Variants in NTM observed in about 807,000 individuals in gnomAD.
NTM encodes the protein neurotrimin, also known as IgLON family member 2.
In NTM, 13 loss-of-function variants were observed where a neutral mutation model predicts 42.1. That is an observed-to-expected ratio of 0.31 (90% CI 0.20 to 0.49). The LOEUF (loss-of-function observed/expected upper bound fraction) is 0.49, where lower values mean the gene tolerates loss of function less well. Ranked by LOEUF, NTM falls within the 20% of genes least tolerant of loss-of-function variation. NTM has a pLI of 0.99. For synonymous variants in NTM, 187 were observed against 179.2 expected, an observed-to-expected ratio of 1.04 and a Z score of -0.35; for missense variants, 373 against 452.8, an observed-to-expected ratio of 0.82 and a Z score of 1.60.
intron 1 of NTM, chr11:131,911,205 G>A: frequency 5.1e-6 from 7 of 1,375,824 alleles, no homozygotes; most frequent in East Asian, 2.8e-5. Context: ...CCCCCTCCTC[G>A]GCCACCTTCC....
chr11:131,757,904 G>A (rs2083546625), intron 1 of NTM, among the ~76,000 whole-genome samples: 1 of 152,188 alleles, frequency 6.6e-6, no homozygotes, highest in African/African-American at 2.4e-5. Flanking sequence ...ATTATGGAAA[G>A]TATATTCTAG....
intron 2 of NTM, among the ~76,000 whole-genome samples, chr11:132,024,344 T>G (rs982464727): frequency 6.6e-6 from 1 of 152,190 alleles, no homozygotes; most frequent in Admixed American, 6.5e-5. Flanking sequence ...GGGCACTGGT[T>G]CCAGGATTTC....
chr11:131,477,444 A>G lies in NTM; in HGVS notation c.82+106556A>G, dbSNP rs530929067. ...TCGGTGGCCAGAGCATCTAATATGAACCAGGTCCTCTTCTAGTGAATGTGG... is the reference window on the plus strand; with the variant it reads ...TCGGTGGCCAGAGCATCTAATATGAGCCAGGTCCTCTTCTAGTGAATGTGG... On this transcript the variant is annotated intron_variant, in intron 1 of 8. Transcript: ENST00000683400. Among the ~76,000 whole-genome samples the G allele has an allele frequency of 2.6e-5, 4 of 151,670 alleles. No homozygotes were observed. In the South Asian group the frequency reaches 6.4e-4, roughly 24 times the overall value.
chr11:131,659,466 T>C (rs755787192), intron 1 of NTM, among the ~76,000 whole-genome samples: 6 of 151,998 alleles, frequency 3.9e-5, no homozygotes, highest in Non-Finnish European at 8.8e-5. Flanking sequence ...AAGCTTTCTA[T>C]AGGGCATGGT....
chr11:131,819,379 T>G (rs2093084091), intron 1 of NTM, among the ~76,000 whole-genome samples: 1 of 152,230 alleles, frequency 6.6e-6, no homozygotes, highest in Admixed American at 6.5e-5. Flanking sequence ...CCTAGATGAT[T>G]ATTGAGTTTA....
intron 4 of NTM, among the ~76,000 whole-genome samples, chr11:132,224,279 G>A (rs1355989224): frequency 6.6e-6 from 1 of 152,124 alleles, no homozygotes; most frequent in Non-Finnish European, 1.5e-5. Context: ...GCAGTTCAGG[G>A]AGCACTCTGC....
At chr11:131,796,143 G>A in intron 1 of NTM, 1 of 985,338 alleles carries the variant, frequency 1.0e-6, no homozygotes, top group Non-Finnish European at 1.2e-6. Context: ...GGACTGGAAG[G>A]GCAAAATGAA....
intron 1 of NTM, among the ~76,000 whole-genome samples, chr11:131,646,618 A>C (rs1160946080): frequency 6.6e-6 from 1 of 152,100 alleles, no homozygotes; most frequent in Non-Finnish European, 1.5e-5. Context: ...GTGGTACTAA[A>C]ATTTTTTGTG....
intron 4 of NTM, among the ~76,000 whole-genome samples, chr11:132,260,574 C>T (rs748727609): frequency 6.6e-6 from 1 of 152,176 alleles, no homozygotes; most frequent in Non-Finnish European, 1.5e-5. Context: ...ATATGGCACT[C>T]AGTGTTAAGC....
At chr11:131,390,909 C>T (rs1195259830) in intron 1 of NTM, among the ~76,000 whole-genome samples, 2 of 152,108 alleles carry the variant, frequency 1.3e-5, no homozygotes, top group Non-Finnish European at 2.9e-5. Context: ...ACCTGGTTAC[C>T]TGGCCAGAGG....
intron 2 of NTM, among the ~76,000 whole-genome samples, chr11:131,960,488 GATGTTGACAT>G (rs2062037295): frequency 6.6e-6 from 1 of 152,176 alleles, no homozygotes; most frequent in South Asian, 2.1e-4. Flanking sequence ...GACAATGGCA[GATGTTGACAT>G]ATGTTTTGTG....
intron 1 of NTM, among the ~76,000 whole-genome samples, chr11:131,819,470 A>G (rs79566014): frequency 0.035 from 5,278 of 152,282 alleles, 312 homozygotes; most frequent in African/African-American, 0.12. Context: ...TCATTCATTC[A>G]TTTGTTCATT....
intron 2 of NTM, among the ~76,000 whole-genome samples, chr11:132,028,747 G>A (rs1008718054): frequency 2.0e-5 from 3 of 152,178 alleles, no homozygotes; most frequent in African/African-American, 7.2e-5. Context: ...TTAGGCTCTG[G>A]TAATATAATT....
chr11:131,632,441 G>C (rs1172354019), intron 1 of NTM, among the ~76,000 whole-genome samples: 1 of 151,964 alleles, frequency 6.6e-6, no homozygotes, highest in Non-Finnish European at 1.5e-5. Context: ...TTTAAGTCTT[G>C]TTTTATATTT....
chr11:131,376,045 T>C (rs1377674577), intron 1 of NTM, among the ~76,000 whole-genome samples: 1 of 152,172 alleles, frequency 6.6e-6, no homozygotes, highest in Non-Finnish European at 1.5e-5. Context: ...AATTGATCAG[T>C]TGACAGATCT....
At chr11:132,157,108 C>T (rs896820668) in intron 3 of NTM, among the ~76,000 whole-genome samples, 2 of 152,156 alleles carry the variant, frequency 1.3e-5, no homozygotes, top group East Asian at 1.9e-4. Flanking sequence ...CATTTTTGGA[C>T]GTCTCACCTC....
chr11:131,804,873 C>T (rs944631383), intron 1 of NTM, among the ~76,000 whole-genome samples: 3 of 152,048 alleles, frequency 2.0e-5, no homozygotes, highest in East Asian at 1.9e-4. Flanking sequence ...GGGAAGTAGT[C>T]GTGACTCTTT....
intron 1 of NTM, among the ~76,000 whole-genome samples, chr11:131,732,679 C>T (rs2079847023): frequency 6.6e-6 from 1 of 152,184 alleles, no homozygotes; most frequent in Admixed American, 6.5e-5. Flanking sequence ...ATTATGTTAT[C>T]CAACAACAAT....
At chr11:132,194,814 C>CTTTTTT (rs902871492) in intron 3 of NTM, among the ~76,000 whole-genome samples, 13 of 110,648 alleles carry the variant, frequency 1.2e-4, no homozygotes, top group South Asian at 3.3e-4. Context: ...GCATTTCTTC[C>CTTTTTT]TTTTTTTTTT....
Sources: allele counts gnomAD v4.1 joint callset (sites outside exome capture counted in the v4.1 genomes callset), GRCh38; gene constraint gnomAD v4.1.1; transcripts MANE v1.5; gene names NCBI Gene and HGNC (gene_info 2026-07-23, HGNC 2026-07-21).